GREB1: variants seen among roughly 807,000 people sequenced by gnomAD.
GREB1 encodes the protein growth regulating estrogen receptor binding 1, also known as protein GREB1.
In GREB1, 106 loss-of-function variants were observed where a neutral mutation model predicts 200.7. The observed-to-expected ratio is 0.53, with a 90% CI of 0.45 to 0.62. The LOEUF is 0.62. Ranked by LOEUF, GREB1 falls within the 20% of genes least tolerant of loss-of-function variation. The probability of loss-of-function intolerance (pLI) is 0.00; values close to 1 mark genes in which losing one functional copy is unlikely to be tolerated. For missense variants in GREB1, 2,243 were observed against 2,556.8 expected, an observed-to-expected ratio of 0.88 and a Z score of 2.65; for synonymous variants, 1,132 against 1,092.4, an observed-to-expected ratio of 1.04 and a Z score of -0.72.
intron 7 of GREB1, among the ~76,000 whole-genome samples, chr2:11,584,085 G>C (rs537712336): frequency 6.6e-6 from 1 of 152,232 alleles, no homozygotes; most frequent in African/African-American, 2.4e-5. Flanking sequence ...TGAGATATTG[G>C]GATGCCTGGG....
chr2:11,512,606 G>A (rs1313532481), intron 1 of GREB1, among the ~76,000 whole-genome samples: 1 of 152,216 alleles, frequency 6.6e-6, no homozygotes, highest in Non-Finnish European at 1.5e-5. Flanking sequence ...GGTGCGGTGA[G>A]CTTGGCGTGG....
chr2:11,634,657 G>A (rs377039313), intron 29 of GREB1, among the ~76,000 whole-genome samples: 46 of 152,212 alleles, frequency 3.0e-4, no homozygotes, highest in Non-Finnish European at 4.9e-4. Flanking sequence ...GATAATTTCC[G>A]TAGGTTTCTG....
intron 29 of GREB1, among the ~76,000 whole-genome samples, 161 bp downstream of exon 29, chr2:11,634,510 C>T (rs1264897131): frequency 6.6e-6 from 1 of 152,204 alleles, no homozygotes; most frequent in Non-Finnish European, 1.5e-5. Flanking sequence ...TTTGAGTATT[C>T]GCAGATCATT....
intron 1 of GREB1, among the ~76,000 whole-genome samples, chr2:11,505,500 A>G (rs1673160804): frequency 6.6e-6 from 1 of 152,080 alleles, no homozygotes; most frequent in African/African-American, 2.4e-5. Flanking sequence ...CCACATCCTC[A>G]GGGATGTGAG....
intron 23 of GREB1, 41 bp from the exon 24 acceptor site, chr2:11,625,113 C>G: frequency 6.6e-7 from 1 of 1,512,538 alleles, no homozygotes; most frequent in Non-Finnish European, 9.2e-7. Context: ...ATCATTTTCA[C>G]TTCCTATTTT....
intron 32 of GREB1, 77 bp downstream of exon 32, chr2:11,638,886 G>A: frequency 1.4e-6 from 2 of 1,461,764 alleles, no homozygotes; most frequent in South Asian, 2.5e-5. Context: ...GGGGACCTTT[G>A]GTCCTAGTCC....
At chr2:11,533,118 C>T (rs1401149044), upstream of GREB1, among the ~76,000 whole-genome samples, 1 of 152,110 alleles carries the variant, frequency 6.6e-6, no homozygotes, top group East Asian at 1.9e-4. Context: ...CAACATGAGA[C>T]AAAAAACTTG....
At position 11,562,627 on chromosome 2, in the gene GREB1, C is replaced by T. The variant is rs748904737; in HGVS notation, c.277+45C>T. 2.6e-6 allele frequency: 4 copies of T among 1,527,958 alleles called. No homozygotes were observed. In the African/African-American group the frequency reaches 5.7e-5, roughly 22 times the overall value. The allele number at this position is 1,527,958 out of a possible 1,614,324, so 94.7% of individuals were successfully genotyped here. A position where few individuals can be genotyped will look rare whatever the true frequency, so the allele number is the denominator to read the frequency against. On this transcript the variant is annotated intron_variant, in intron 3 of 32. Transcript: ENST00000381486. ...TGGCCAGGCAGTGCCTGCCATGCTG[C>T]CCGGAGGCAGTGGCCAGGCGGGTGA... is the stretch of plus-strand genomic sequence containing the variant.
chr2:11,553,328 G>A (rs772754960), intron 1 of GREB1, among the ~76,000 whole-genome samples: 36 of 152,158 alleles, frequency 2.4e-4, no homozygotes, highest in East Asian at 1.2e-3. Context: ...GTGAAACCCC[G>A]TCTCTACAAA....
At chr2:11,573,308 C>T (rs1002296691) in intron 4 of GREB1, among the ~76,000 whole-genome samples, 2 of 152,100 alleles carry the variant, frequency 1.3e-5, no homozygotes, top group Non-Finnish European at 2.9e-5. Context: ...TGTGGCTGTG[C>T]GTGGTGACAA....
intron 30 of GREB1, 30 bp downstream of exon 30, chr2:11,635,435 A>C (rs550338398): frequency 3.2e-6 from 5 of 1,579,892 alleles, no homozygotes; most frequent in Non-Finnish European, 4.3e-6. Flanking sequence ...GCAGGCCTCT[A>C]TGTCCACCGC....
At chr2:11,617,466 G>A (rs963794299) in intron 21 of GREB1, among the ~76,000 whole-genome samples, 18 of 152,236 alleles carry the variant, frequency 1.2e-4, no homozygotes, top group Non-Finnish European at 2.6e-4. Flanking sequence ...TCTCATAAAA[G>A]ACGTGTTATT....
chr2:11,538,630 T>C (rs62118293), intron 1 of GREB1, among the ~76,000 whole-genome samples: 155 of 21,782 alleles, frequency 7.1e-3, no homozygotes, highest in South Asian at 0.026. Flanking sequence ...TCTTTCTTTC[T>C]TTCTTTCTTT....
upstream of GREB1, among the ~76,000 whole-genome samples, chr2:11,532,340 T>C (rs1674104432): frequency 6.6e-6 from 1 of 152,190 alleles, no homozygotes; most frequent in African/African-American, 2.4e-5. Flanking sequence ...TATACCTATG[T>C]TCAATTGTGG....
intron 26 of GREB1, among the ~76,000 whole-genome samples, chr2:11,630,680 A>G (rs1684807587): frequency 6.6e-6 from 1 of 152,178 alleles, no homozygotes; most frequent in Non-Finnish European, 1.5e-5. Flanking sequence ...TCATCTATCT[A>G]TACATATTTA....
intron 17 of GREB1, among the ~76,000 whole-genome samples, chr2:11,607,105 A>G (rs12620008): frequency 0.08 from 12,077 of 150,130 alleles, 627 homozygotes; most frequent in South Asian, 0.22. Flanking sequence ...TTTAGAGAAA[A>G]AATATTTTAG....
intron 1 of GREB1, among the ~76,000 whole-genome samples, chr2:11,483,979 G>A (rs537804544): frequency 6.6e-6 from 1 of 152,246 alleles, no homozygotes; most frequent in South Asian, 2.1e-4. Flanking sequence ...AATTTAGCTT[G>A]AATAAACACT....
intron 17 of GREB1, among the ~76,000 whole-genome samples, chr2:11,609,198 A>G (rs1682680910): frequency 6.6e-6 from 1 of 151,696 alleles, no homozygotes; most frequent in Non-Finnish European, 1.5e-5. Context: ...AGCAGAGCCC[A>G]TTTTCCCTAC....
intron 1 of GREB1, among the ~76,000 whole-genome samples, chr2:11,497,960 G>A (rs978638225): frequency 7.1e-5 from 6 of 84,546 alleles, no homozygotes; most frequent in African/African-American, 2.8e-4. Flanking sequence ...AGGGTCTTTT[G>A]CAGAGCAAAA....
Sources: allele counts gnomAD v4.1 joint callset (sites outside exome capture counted in the v4.1 genomes callset), GRCh38; gene constraint gnomAD v4.1.1; transcripts MANE v1.5; gene names NCBI Gene and HGNC (gene_info 2026-07-23, HGNC 2026-07-21).